Variants in TJP1 observed in about 807,000 individuals in gnomAD.
TJP1 encodes the protein tight junction protein 1, also known as tight junction protein ZO-1.
TJP1 carries 43 observed loss-of-function variants against 194.2 expected under a neutral mutation model. That is an observed-to-expected ratio of 0.22 (90% confidence interval 0.17 to 0.29). TJP1 has a LOEUF of 0.29. Ranked by LOEUF, TJP1 falls within the 10% of genes least tolerant of loss-of-function variation. The probability of loss-of-function intolerance (pLI) is 1.00; values close to 1 mark genes in which losing one functional copy is unlikely to be tolerated. For synonymous variants in TJP1, 801 were observed against 779.0 expected (o/e 1.03, Z -0.47); for missense variants, 1,971 against 2,185.7 (o/e 0.90, Z 1.96).
chr15:29,876,701 T>C (rs56250928), intron 2 of TJP1, among the ~76,000 whole-genome samples: 9,384 of 152,190 alleles, frequency 0.062, 343 homozygotes, highest in South Asian at 0.11. Context: ...TTGGTTCATA[T>C]AGAATAGTTT....
intron 15 of TJP1, chr15:29,730,983 T>G: frequency 7.7e-7 from 1 of 1,295,148 alleles, no homozygotes; most frequent in Non-Finnish European, 1.1e-6. Flanking sequence ...AGATGCCAAG[T>G]GAAGTGTGTG....
chr15:29,898,936 G>C (rs2152189968), intron 2 of TJP1, among the ~76,000 whole-genome samples: 1 of 152,276 alleles, frequency 6.6e-6, no homozygotes, highest in Middle Eastern at 3.4e-3. Flanking sequence ...AAACTAAAAT[G>C]TATTGATTTT....
At chr15:29,760,327 A>C (rs772548490) in intron 8 of TJP1, 12 of 698,152 alleles carry the variant, frequency 1.7e-5, no homozygotes, top group South Asian at 1.6e-4. Context: ...AGATAAACTC[A>C]GGTAGGTCAT....
chr15:29,766,638 T>G, intron 4 of TJP1, 96 bp from the exon 5 acceptor site: 1 of 1,231,598 alleles, frequency 8.1e-7, no homozygotes, highest in Non-Finnish European at 1.1e-6. Flanking sequence ...TCATCCCATA[T>G]TAACTATGAA....
intron 2 of TJP1, among the ~76,000 whole-genome samples, chr15:29,831,225 GT>G (rs2050829095): frequency 6.6e-6 from 1 of 152,170 alleles, no homozygotes; most frequent in South Asian, 2.1e-4. Flanking sequence ...CTGAGGGAAA[GT>G]TTTTCTTAAT....
Position 29,705,562 on chromosome 15 carries a change from G to A in TJP1, c.5034C>T (p.Asp1678=), listed in dbSNP as rs1278352344. 2.5e-6 allele frequency: 4 copies of A among 1,614,128 alleles called. No homozygotes were observed. Among genetic ancestry groups the A allele is most frequent in the Non-Finnish European group, 3.4e-6 (4 of 1,180,060 alleles). ...EQEIYFKVCR[D]NSILPPLDKE... Reference sequence around the variant, plus strand: ...TATCTAAAGGTGGAAGGATGCTGTTGTCCCGGCAGACCTTGAAATAGATTT... The same window carrying A: ...TATCTAAAGGTGGAAGGATGCTGTTATCCCGGCAGACCTTGAAATAGATTT... The change falls in exon 26 of 28, where the codon GAC becomes GAT. Residue 1678 remains aspartate, a synonymous_variant. Coordinates refer to ENST00000614355, the MANE Select transcript of TJP1 (RefSeq NM_001330239.4).
chr15:29,819,597 C>A (rs887055439), intron 1 of TJP1, among the ~76,000 whole-genome samples: 2 of 152,174 alleles, frequency 1.3e-5, no homozygotes, highest in Admixed American at 6.5e-5. Context: ...CCTGATACGG[C>A]CTTCTTTTTC....
intron 23 of TJP1, among the ~76,000 whole-genome samples, chr15:29,715,249 C>T (rs2042492028): frequency 6.6e-6 from 1 of 152,068 alleles, no homozygotes; most frequent in Admixed American, 6.5e-5. Context: ...ATGCCACAAC[C>T]CCTTTCTAGT....
intron 1 of TJP1, among the ~76,000 whole-genome samples, chr15:29,817,494 A>G (rs1469174594): frequency 6.6e-6 from 1 of 152,236 alleles, no homozygotes; most frequent in Non-Finnish European, 1.5e-5. Flanking sequence ...ATATACTCAA[A>G]GGAATATAAA....
At position 29,766,258 on chromosome 15, in the gene TJP1, G is replaced by A. The variant is rs1405757337; in HGVS notation, c.589+8C>T. The A allele has an allele frequency of 1.9e-6, 3 of 1,606,578 alleles. No individual in the cohort carries two copies. Among genetic ancestry groups the A allele is most frequent in the South Asian group, 2.2e-5 (2 of 89,590 alleles). On this transcript the variant is annotated splice_region_variant and intron_variant, in intron 5 of 27. Transcript: ENST00000614355. Reference sequence around the variant, plus strand: ...GTGAAAAAAACAGCAAGAGTTGGCAGAGAATACCTTCATTTTTCCGGGATT... The same window carrying A: ...GTGAAAAAAACAGCAAGAGTTGGCAAAGAATACCTTCATTTTTCCGGGATT...
In TJP1 at chr15:29,707,630, T is replaced by C. The variant is rs45589632; in HGVS notation, c.4850+929A>G. Among the ~76,000 whole-genome samples, 1,366 of 152,300 alleles carry C rather than the reference T, an allele frequency of 9.0e-3. 20 individuals are homozygous for C. The highest frequency in any genetic ancestry group is 0.028 in the African/African-American group (1,164 of 41,572). ...TAGGAGGCTGAGATGAGCTTTTATG[T>C]ATGGCCAGAATCCATCTGGTCAATC... On this transcript the variant is annotated intron_variant, in intron 25 of 27. Coordinates refer to ENST00000614355, the MANE Select transcript of TJP1 (RefSeq NM_001330239.4).
At chr15:29,835,386 T>C (rs760569850) in intron 2 of TJP1, among the ~76,000 whole-genome samples, 2 of 152,124 alleles carry the variant, frequency 1.3e-5, no homozygotes, top group African/African-American at 2.4e-5. Flanking sequence ...CTTAAGTATA[T>C]GGTTGCAAGA....
chr15:29,965,186 C>CATTCATTT (rs1555462516), intron 1 of TJP1, among the ~76,000 whole-genome samples: 16 of 148,402 alleles, frequency 1.1e-4, no homozygotes, highest in Non-Finnish European at 1.9e-4. Flanking sequence ...TACATCCTCA[C>CATTCATTT]ATTTATTTAT....
At chr15:29,830,228 C>G (rs1181056200) in intron 2 of TJP1, among the ~76,000 whole-genome samples, 1 of 151,678 alleles carries the variant, frequency 6.6e-6, no homozygotes, top group Non-Finnish European at 1.5e-5. Context: ...TGAAACTGCT[C>G]TATATGTGTG....
intron 2 of TJP1, among the ~76,000 whole-genome samples, chr15:29,782,117 G>A (rs1388433941): frequency 1.3e-5 from 2 of 152,128 alleles, no homozygotes; most frequent in Non-Finnish European, 2.9e-5. Flanking sequence ...AATAACTTCA[G>A]CAGAGTTTCA....
At chr15:29,943,736 G>C (rs1224958528) in intron 2 of TJP1, among the ~76,000 whole-genome samples, 1 of 150,958 alleles carries the variant, frequency 6.6e-6, no homozygotes, top group Non-Finnish European at 1.5e-5. Flanking sequence ...ATCATCTGAG[G>C]TCAGGAGTTT....
At chr15:29,720,765 CT>C (rs1420612650) in intron 18 of TJP1, 57 bp from the exon 19 acceptor site, 8 of 1,339,308 alleles carry the variant, frequency 6.0e-6, no homozygotes, top group Non-Finnish European at 8.2e-6. Context: ...AAGAGATGGC[CT>C]TTATCGTACA....
intron 2 of TJP1, among the ~76,000 whole-genome samples, chr15:29,895,214 T>A (rs542028313): frequency 6.6e-6 from 1 of 152,320 alleles, no homozygotes; most frequent in South Asian, 2.1e-4. Context: ...ACTTCCACAG[T>A]ATGGACAGGT....
intron 13 of TJP1, 103 bp from the exon 14 acceptor site, chr15:29,732,918 A>G: frequency 1.6e-6 from 2 of 1,277,622 alleles, no homozygotes; most frequent in Non-Finnish European, 2.1e-6. Context: ...AAGTTCACAT[A>G]CAGTTTAAAT....
Sources: allele counts gnomAD v4.1 joint callset (sites outside exome capture counted in the v4.1 genomes callset), GRCh38; gene constraint gnomAD v4.1.1; transcripts MANE v1.5; gene names NCBI Gene and HGNC (gene_info 2026-07-23, HGNC 2026-07-21).